IGF2BP2: variants seen among roughly 807,000 people sequenced by gnomAD.
IGF2BP2 encodes insulin-like growth factor 2 mRNA-binding protein 2.
IGF2BP2 carries 17 observed loss-of-function variants against 75.8 expected under a neutral mutation model. That is an observed-to-expected ratio of 0.22 (90% CI 0.15 to 0.34). The LOEUF (loss-of-function observed/expected upper bound fraction) is 0.34, where lower values mean the gene tolerates loss of function less well. IGF2BP2 is among the 10% of genes least tolerant of loss of function. The probability of loss-of-function intolerance (pLI) is 1.00; values close to 1 mark genes in which losing one functional copy is unlikely to be tolerated. For synonymous variants in IGF2BP2, 288 were observed against 295.6 expected (o/e 0.97, Z 0.26); for missense variants, 516 against 772.4 (o/e 0.67, Z 3.93).
Position 185,780,562 on chromosome 3 carries a change from T to G in IGF2BP2, c.239+42591A>C, listed in dbSNP as rs571502947. ...CATTCAGCTGCTACTGCGTATATTC[T>G]GCGCTATTTAAAAAGGTCTTCAAAA... On this transcript the variant is annotated intron_variant, in intron 2 of 15. Coordinates refer to ENST00000382199, the MANE Select transcript of IGF2BP2 (RefSeq NM_006548.6). 3.3e-5 allele frequency among the ~76,000 whole-genome samples: 5 copies of G among 152,330 alleles called. No homozygotes were observed. The East Asian group carries it at 9.6e-4, about 29-fold the overall frequency.
chr3:185,819,821 T>C (rs1741091859), intron 2 of IGF2BP2, among the ~76,000 whole-genome samples: 1 of 149,930 alleles, frequency 6.7e-6, no homozygotes, highest in South Asian at 2.1e-4. Flanking sequence ...AGCAAAAGAC[T>C]GCAGCAGGGA....
Position 185,697,418 on chromosome 3 carries a change from T to TG in IGF2BP2, c.289-756_289-755insC, listed in dbSNP as rs1326411661. Among the ~76,000 whole-genome samples the TG allele has an allele frequency of 3.7e-4, 25 of 66,772 alleles. No individual in the cohort carries two copies. The East Asian group carries it at 0.013, about 35-fold the overall frequency. The allele number at this position is 66,772 out of a possible 152,430, so 43.8% of individuals were successfully genotyped here. A position where few individuals can be genotyped will look rare whatever the true frequency, so the allele number is the denominator to read the frequency against. ...ATCACGCCCAGGCAATAATCGTGTG[T>TG]TTTTTTTTTTTAAAGTAATAAAAAC... On this transcript the variant is annotated intron_variant, in intron 3 of 15. Transcript: ENST00000382199.
At chr3:185,822,995 A>T (rs1342282039) in intron 2 of IGF2BP2, among the ~76,000 whole-genome samples, 158 bp downstream of exon 2, 1 of 152,116 alleles carries the variant, frequency 6.6e-6, no homozygotes, top group African/African-American at 2.4e-5. Context: ...GAAAGTAAAA[A>T]AAAAAAAAGT....
In IGF2BP2 at chr3:185,689,526, G is replaced by T. The variant is rs1721624203; in HGVS notation, c.506C>A (p.Ala169Asp). The T allele has an allele frequency of 6.2e-7, 1 of 1,614,100 alleles. No individual in the cohort carries two copies. Among genetic ancestry groups the T allele is most frequent in the African/African-American group, 1.3e-5 (1 of 74,946 alleles). The change falls in exon 6 of 16, where the codon GCC (alanine) becomes GAC (aspartate). Residue 169 changes from alanine (A) to aspartate (D), a missense_variant. Ala to Asp is a moderately radical substitution (Grantham distance 126). This residue lies in a region of IGF2BP2 where 312 missense variants were observed against 474.5 expected (regional missense o/e 0.66). Coordinates refer to ENST00000382199, the MANE Select transcript of IGF2BP2 (RefSeq NM_006548.6). Reference sequence around the variant, plus strand: ...CCGGGAAGAGTGGTCCCCACGCTGGGCTCGCTGAGGGGGCGAAGGGGAGCT... The same window carrying T: ...CCGGGAAGAGTGGTCCCCACGCTGGTCTCGCTGAGGGGGCGAAGGGGAGCT... ...EVSSPSPPQR[A>D]QRGDHSSREQ...
intron 2 of IGF2BP2, among the ~76,000 whole-genome samples, chr3:185,736,828 T>G (rs1408047916): frequency 6.6e-6 from 1 of 152,320 alleles, no homozygotes; most frequent in Non-Finnish European, 1.5e-5. Flanking sequence ...AACAAGAGTT[T>G]TCCTTTTGAC....
chr3:185,670,040 C>A (rs1718281946), intron 10 of IGF2BP2, among the ~76,000 whole-genome samples: 1 of 152,230 alleles, frequency 6.6e-6, no homozygotes, highest in Admixed American at 6.5e-5. Flanking sequence ...GCCATCATGT[C>A]TCAGTCAGTC....
chr3:185,784,886 CAAG>C (rs1163552377), intron 2 of IGF2BP2, among the ~76,000 whole-genome samples: 1 of 152,228 alleles, frequency 6.6e-6, no homozygotes, highest in Non-Finnish European at 1.5e-5. Context: ...GCCTGTGAGG[CAAG>C]TCAGGATGAC....
At position 185,647,678 on chromosome 3, in the gene IGF2BP2, AC is replaced by A. The variant is rs1000206167; in HGVS notation, c.1594-541del. Among the ~76,000 whole-genome samples the A allele has an allele frequency of 3.3e-5, 5 of 151,868 alleles. No individual in the cohort carries two copies. The highest frequency in any genetic ancestry group is 1.2e-4 in the African/African-American group (5 of 41,340). On this transcript the variant is annotated intron_variant, in intron 14 of 15. Coordinates refer to ENST00000382199, the MANE Select transcript of IGF2BP2 (RefSeq NM_006548.6). The surrounding 1 kb of genome is among the most constrained non-coding windows in gnomAD (Gnocchi z 4.9). ...TCCTCTCTCCCGGCCACTGGATCCC[AC>A]CCCAGGCCCACCTCCATGAAGCCTC...
intron 2 of IGF2BP2, among the ~76,000 whole-genome samples, chr3:185,763,048 T>G (rs1732590344): frequency 6.6e-6 from 1 of 152,124 alleles, no homozygotes; most frequent in Non-Finnish European, 1.5e-5. Context: ...TATAGATGTT[T>G]TTTTGTTTTG....
chr3:185,720,647 C>T (rs1456257445), intron 2 of IGF2BP2, among the ~76,000 whole-genome samples: 2 of 152,198 alleles, frequency 1.3e-5, no homozygotes, highest in African/African-American at 4.8e-5. Context: ...TGACAGGCCA[C>T]TACGAAGGCA....
chr3:185,765,476 C>T (rs567401507), intron 2 of IGF2BP2, among the ~76,000 whole-genome samples: 2 of 152,242 alleles, frequency 1.3e-5, no homozygotes, highest in African/African-American at 2.4e-5. Context: ...ACCACTCCTT[C>T]CCCCCTTGAT....
chr3:185,713,474 T>A (rs1725124007), intron 2 of IGF2BP2: 1 of 519,786 alleles, frequency 1.9e-6, no homozygotes, highest in Non-Finnish European at 3.8e-6. Flanking sequence ...CCAGATCCAA[T>A]GGTCAAGGTA....
chr3:185,681,234 T>C (rs2149273403), intron 7 of IGF2BP2, among the ~76,000 whole-genome samples: 1 of 152,238 alleles, frequency 6.6e-6, no homozygotes, highest in South Asian at 2.1e-4. Context: ...TTCAGCAAAA[T>C]TGCAGGATAC....
At chr3:185,803,228 G>A (rs2149956087) in intron 2 of IGF2BP2, among the ~76,000 whole-genome samples, 1 of 152,298 alleles carries the variant, frequency 6.6e-6, no homozygotes, top group African/African-American at 2.4e-5. Context: ...GCAGGTGCCT[G>A]TAATACCAGC....
intron 10 of IGF2BP2, among the ~76,000 whole-genome samples, chr3:185,663,598 A>G (rs983442873): frequency 2.6e-4 from 40 of 152,170 alleles, no homozygotes; most frequent in African/African-American, 7.7e-4. Context: ...AATTTAGGTG[A>G]TATTCTGAAG....
At chr3:185,737,195 T>C (rs1390263561) in intron 2 of IGF2BP2, among the ~76,000 whole-genome samples, 1 of 152,248 alleles carries the variant, frequency 6.6e-6, no homozygotes, top group Non-Finnish European at 1.5e-5. Flanking sequence ...AAGCTATACA[T>C]ATTAAATTCC....
At chr3:185,806,289 A>G (rs1739017099) in intron 2 of IGF2BP2, among the ~76,000 whole-genome samples, 1 of 152,234 alleles carries the variant, frequency 6.6e-6, no homozygotes, top group South Asian at 2.1e-4. Flanking sequence ...AAGAGGTGGG[A>G]AAAAGATAAC....
At chr3:185,822,344 A>T (rs1053968908) in intron 2 of IGF2BP2, among the ~76,000 whole-genome samples, 8 of 152,202 alleles carry the variant, frequency 5.3e-5, no homozygotes, top group African/African-American at 1.7e-4. Flanking sequence ...CACACAGCAG[A>T]AGAAAAAAAT....
At chr3:185,749,009 C>T (rs1191605969) in intron 2 of IGF2BP2, among the ~76,000 whole-genome samples, 1 of 151,880 alleles carries the variant, frequency 6.6e-6, no homozygotes, top group Non-Finnish European at 1.5e-5. Flanking sequence ...ACTAAAAATA[C>T]AAAAATTAGC....
Sources: gnomAD v4.1 joint callset for allele counts (sites outside exome capture counted in the v4.1 genomes callset) on GRCh38, gnomAD v4.1.1 for gene constraint, gnomAD v4.1.1 regional missense constraint, Gnocchi (gnomAD v3.1) non-coding constraint, MANE v1.5 for transcripts, NCBI Gene and HGNC (gene_info 2026-07-23, HGNC 2026-07-21) for gene names.